Variants in C9orf57 observed in about 807,000 individuals in gnomAD.
C9orf57 encodes the protein chromosome 9 open reading frame 57, also known as uncharacterized protein C9orf57.
A neutral mutation model predicts 12.9 loss-of-function variants in C9orf57; 12 were observed. The observed-to-expected ratio is 0.93, with a 90% CI of 0.60 to 1.51. The LOEUF (loss-of-function observed/expected upper bound fraction) is 1.51, where lower values mean the gene tolerates loss of function less well. Ranked by LOEUF, C9orf57 falls within the 40% of genes most tolerant of loss-of-function variation. C9orf57 has a pLI of 0.00. For missense variants in C9orf57, 141 were observed against 162.8 expected (o/e 0.87, Z 0.73); for synonymous variants, 49 against 57.1 (o/e 0.86, Z 0.64).
In C9orf57 at chr9:72,056,190, C is replaced by A. The variant is rs191936506; in HGVS notation, c.164G>T (p.Gly55Val). ...WKEEVHIQDV[G>V]GLICRACNLS... is the part of the protein sequence containing the mutation. ...ATTGCATGCTCTGCAAATCAAACCT[C>A]CAACATCTCCAAGTACAGGGGCAGA... The change falls in exon 4 of 5, where the codon GGA (glycine) becomes GTA (valine). Residue 55 changes from glycine to valine, a missense_variant. By Grantham distance (109) the Gly-to-Val change is moderately radical. Transcript: ENST00000651200. 3.2e-6 allele frequency: 5 copies of A among 1,548,202 alleles called. No homozygotes were observed. The East Asian group carries it at 1.2e-4, about 38-fold the overall frequency.
At chr9:72,056,360 TA>T (rs1037243111) in intron 3 of C9orf57, among the ~76,000 whole-genome samples, 164 bp from the exon 4 acceptor site, 7 of 148,868 alleles carry the variant, frequency 4.7e-5, no homozygotes, top group East Asian at 3.9e-4. Context: ...ATATATATTT[TA>T]TTTTTTTTTA....
chr9:72,056,934 G>T (rs911478193), intron 2 of C9orf57, 91 bp from the exon 3 acceptor site: 4 of 1,025,136 alleles, frequency 3.9e-6, no homozygotes, highest in African/African-American at 3.2e-5. Context: ...TTTGAGACAG[G>T]GTTGCACTCC....
At chr9:72,055,483 G>T (rs1427462133) in intron 4 of C9orf57, among the ~76,000 whole-genome samples, 1 of 149,374 alleles carries the variant, frequency 6.7e-6, no homozygotes, top group Non-Finnish European at 1.5e-5. Flanking sequence ...AGAGTGTAGT[G>T]GTGTGATCAC....
chr9:72,056,912 C>CTT (rs36059196), intron 2 of C9orf57, 69 bp from the exon 3 acceptor site: 29,668 of 990,220 alleles, frequency 0.03, no homozygotes, highest in Non-Finnish European at 0.036. Flanking sequence ...TATATGTATA[C>CTT]TTTTTTTTTT....
chr9:72,057,245 G>T (rs1017712404), intron 2 of C9orf57, among the ~76,000 whole-genome samples: 2 of 150,024 alleles, frequency 1.3e-5, no homozygotes, highest in African/African-American at 4.9e-5. Context: ...ATTTTTTTTT[G>T]AGATGGAATT....
chr9:72,055,354 T>TCCCTCCCTCCCTCCC (rs1824168828), intron 4 of C9orf57, among the ~76,000 whole-genome samples: 1 of 26,606 alleles, frequency 3.8e-5, no homozygotes, highest in Admixed American at 4.2e-4. Context: ...CCTTCATTCT[T>TCCCTCCCTCCCTCCC]TCCCTCCCTC....
At chr9:72,055,983 T>G in intron 4 of C9orf57, 91 bp downstream of exon 4, 1 of 1,359,654 alleles carries the variant, frequency 7.4e-7, no homozygotes, top group Middle Eastern at 2.5e-4. Context: ...GGCAAAGCCC[T>G]TAGTGTAGCA....
intron 2 of C9orf57, among the ~76,000 whole-genome samples, chr9:72,058,132 T>C (rs1391456638): frequency 6.6e-6 from 1 of 152,188 alleles, no homozygotes; most frequent in Non-Finnish European, 1.5e-5. Flanking sequence ...AGACCAATGT[T>C]TGTGAATCGT....
chr9:72,056,265 G>T (rs575221684), intron 3 of C9orf57, 69 bp from the exon 4 acceptor site: 5 of 1,315,166 alleles, frequency 3.8e-6, no homozygotes, highest in Non-Finnish European at 4.0e-6. Context: ...GGAAGGAAGA[G>T]AGATCAAAAA....
chr9:72,060,360 A>T (rs1412171752), intron 1 of C9orf57, 137 bp downstream of exon 1: 10 of 616,248 alleles, frequency 1.6e-5, no homozygotes, highest in Non-Finnish European at 2.9e-5. Context: ...ATTATTAATA[A>T]TACTTTCACT....
At chr9:72,055,920 G>A (rs1824189739) in intron 4 of C9orf57, among the ~76,000 whole-genome samples, 154 bp downstream of exon 4, 2 of 152,190 alleles carry the variant, frequency 1.3e-5, no homozygotes. Context: ...AATGGGGATA[G>A]TGACAGGATC....
In C9orf57 at chr9:72,059,272, G is replaced by C; in HGVS notation, c.60C>G (p.Phe20Leu). Residue 20 changes from phenylalanine to leucine, a missense_variant, in exon 2 of 5, where the codon TTC becomes TTG. By Grantham distance (22) the Phe-to-Leu change is conservative. Transcript: ENST00000651200. ...ILFRLLGVIL[F>L]RLLGVILFGR... Reference sequence around the variant, plus strand: ...CGAATAAGATAACACCTAAGAGGCGGAATAAGATAACACCTAAGAGGCGGA... The same window carrying C: ...CGAATAAGATAACACCTAAGAGGCGCAATAAGATAACACCTAAGAGGCGGA... 1 of 1,551,466 alleles carries C rather than the reference G, an allele frequency of 6.4e-7. No homozygotes were observed. The highest frequency in any genetic ancestry group is 2.0e-5 in the Admixed American group (1 of 50,828).
chr9:72,054,199 T>A (rs1445935941), intron 4 of C9orf57, among the ~76,000 whole-genome samples: 1 of 152,242 alleles, frequency 6.6e-6, no homozygotes, highest in Non-Finnish European at 1.5e-5. Flanking sequence ...GAGTTCTCCA[T>A]GTTGGTCAGA....
rs562092595 is a variant in C9orf57, at chr9:72,052,582, T to C, written c.281-147A>G. Reference sequence around the variant, plus strand: ...ATTTCCACCATTAAGAATGGTTCATTTCATTATTTTACCTTTAAGAACTCC... The same window carrying C: ...ATTTCCACCATTAAGAATGGTTCATCTCATTATTTTACCTTTAAGAACTCC... On this transcript the variant is annotated intron_variant, in intron 4 of 4. Coordinates refer to ENST00000651200, the MANE Select transcript of C9orf57 (RefSeq NM_001128618.2). The C allele has an allele frequency of 2.6e-5, 19 of 724,854 alleles. No homozygotes were observed. In the East Asian group the frequency reaches 4.8e-4, roughly 18 times the overall value. 44.9% of individuals were successfully genotyped at this position (724,854 alleles called of 1,614,324 possible). A position where few individuals can be genotyped will look rare whatever the true frequency, so the allele number is the denominator to read the frequency against.
chr9:72,059,968 T>C (rs1824295478), intron 1 of C9orf57, among the ~76,000 whole-genome samples: 1 of 152,204 alleles, frequency 6.6e-6, no homozygotes, highest in Non-Finnish European at 1.5e-5. Flanking sequence ...ATTTCTAGAA[T>C]AATATCCTGT....
Position 72,056,192 on chromosome 9 carries a change from A to G in C9orf57, c.162T>C (p.Val54=). ...YWKEEVHIQD[V]GGLICRACNL... ...TGCATGCTCTGCAAATCAAACCTCC[A>G]ACATCTCCAAGTACAGGGGCAGAAA... The change falls in exon 4 of 5, where the codon GTT becomes GTC. Residue 54 remains valine, a synonymous_variant. Coordinates refer to ENST00000651200, the MANE Select transcript of C9orf57 (RefSeq NM_001128618.2). The G allele has an allele frequency of 1.3e-6, 2 of 1,549,376 alleles. No homozygotes were observed. Among genetic ancestry groups the G allele is most frequent in the Non-Finnish European group, 1.7e-6 (2 of 1,145,648 alleles).
rs1824155628 is a variant in C9orf57, at chr9:72,054,833, AT to A, written c.280+1240del. ...AATTCCTTATCTTTTACATTTTGGA[AT>A]TATCACACATTTTATAAATGTTAAA... On this transcript the variant is annotated intron_variant, in intron 4 of 4. Coordinates refer to ENST00000651200, the MANE Select transcript of C9orf57 (RefSeq NM_001128618.2). 3.3e-5 allele frequency among the ~76,000 whole-genome samples: 5 copies of A among 150,886 alleles called. No homozygotes were observed. The South Asian group carries it at 1.0e-3, about 31-fold the overall frequency.
intron 2 of C9orf57, among the ~76,000 whole-genome samples, chr9:72,057,584 T>A (rs933193535): frequency 2.6e-5 from 4 of 152,166 alleles, no homozygotes; most frequent in Admixed American, 2.6e-4. Flanking sequence ...ATGCTGTATT[T>A]ATGAATTGGA....
intron 2 of C9orf57, among the ~76,000 whole-genome samples, chr9:72,058,238 G>T (rs1271847482): frequency 3.3e-5 from 5 of 152,054 alleles, no homozygotes; most frequent in Non-Finnish European, 7.4e-5. Context: ...TCATCTCACT[G>T]CAACCTCTGC....
Sources: allele counts gnomAD v4.1 joint callset (sites outside exome capture counted in the v4.1 genomes callset), GRCh38; gene constraint gnomAD v4.1.1; transcripts MANE v1.5; gene names NCBI Gene and HGNC (gene_info 2026-07-23, HGNC 2026-07-21).